DNAJB14: variants seen among roughly 807,000 people sequenced by gnomAD.
DNAJB14 encodes the protein dnaJ homolog subfamily B member 14.
A neutral mutation model predicts 48.4 loss-of-function variants in DNAJB14; 22 were observed. The ratio of observed to expected loss-of-function variants is 0.45; its 90% CI spans 0.32 to 0.65. The LOEUF (loss-of-function observed/expected upper bound fraction) is 0.65. DNAJB14 is among the 30% of genes least tolerant of loss of function. The probability of loss-of-function intolerance (pLI) is 0.03; values close to 1 mark genes in which losing one functional copy is unlikely to be tolerated. For missense variants in DNAJB14, 319 were observed against 458.8 expected (o/e 0.70, Z 2.78); for synonymous variants, 142 against 158.7 (o/e 0.89, Z 0.79).
At chr4:99,923,917 A>G (rs952823293) in intron 2 of DNAJB14, 2 of 977,468 alleles carry the variant, frequency 2.0e-6, no homozygotes, top group African/African-American at 1.8e-5. Context: ...ATAACACGTG[A>G]CTCAAAAAAT....
chr4:99,944,576 T>G (rs1726997528), intron 1 of DNAJB14, among the ~76,000 whole-genome samples: 1 of 151,696 alleles, frequency 6.6e-6, no homozygotes, highest in South Asian at 2.1e-4. Flanking sequence ...TTTGGTCTTT[T>G]TTTTTTTGTT....
At chr4:99,940,219 CAAAT>C (rs149865883) in intron 1 of DNAJB14, among the ~76,000 whole-genome samples, 4,167 of 152,218 alleles carry the variant, frequency 0.027, 82 homozygotes, top group African/African-American at 0.055. Flanking sequence ...ATTTGAAAAA[CAAAT>C]AGATTTTTTC....
intron 3 of DNAJB14, among the ~76,000 whole-genome samples, chr4:99,916,985 A>T (rs560152575): frequency 2.0e-5 from 3 of 152,074 alleles, no homozygotes; most frequent in African/African-American, 4.8e-5. Context: ...ATACAAAAAA[A>T]TTAGCTGGGT....
At chr4:99,911,801 T>C (rs1160143698) in intron 3 of DNAJB14, among the ~76,000 whole-genome samples, 1 of 152,176 alleles carries the variant, frequency 6.6e-6, no homozygotes, top group Non-Finnish European at 1.5e-5. Context: ...TACCTGTCCT[T>C]TGTCAAATAC....
intron 2 of DNAJB14, among the ~76,000 whole-genome samples, chr4:99,924,129 A>C (rs1462557445): frequency 2.0e-5 from 3 of 152,112 alleles, no homozygotes; most frequent in African/African-American, 7.2e-5. Context: ...ACTTTCACAA[A>C]AGCCACAGTA....
At chr4:99,903,937 A>T in intron 6 of DNAJB14, 39 bp from the exon 7 acceptor site, 2 of 1,575,696 alleles carry the variant, frequency 1.3e-6, no homozygotes, top group Non-Finnish European at 1.7e-6. Context: ...TTAAAATTGG[A>T]CATTCCAATA....
intron 1 of DNAJB14, among the ~76,000 whole-genome samples, chr4:99,936,825 AT>A (rs1384486767): frequency 1.3e-5 from 2 of 152,234 alleles, no homozygotes; most frequent in Non-Finnish European, 1.5e-5. Flanking sequence ...GTAACAGATA[AT>A]TGAGGCTGAA....
chr4:99,906,567 G>A lies in DNAJB14; in HGVS notation c.682C>T (p.Gln228Ter). 6.2e-7 allele frequency: 1 copy of A among 1,611,426 alleles called. No homozygotes were observed. Among genetic ancestry groups the A allele is most frequent in the Non-Finnish European group, 8.5e-7 (1 of 1,179,558 alleles). ...TGTCCACTATGTCGATGCTGATGTT[G>A]TTGGCTATAACCAGCTCTTCCATTT... The part of the protein sequence containing the change: ...FSNGRAGYSQ[Q>*]HQHRHSGHER... The change falls in exon 5 of 8, where the codon CAA (glutamine) becomes TAA (stop). Residue 228 changes from glutamine to a stop codon, truncating the protein, a stop_gained. Coordinates refer to ENST00000442697, the MANE Select transcript of DNAJB14 (RefSeq NM_001031723.4). LOFTEE classifies it high-confidence loss of function.
rs540709109 is a variant in DNAJB14, at chr4:99,922,945, T to C, written c.451+95A>G. On this transcript the variant is annotated intron_variant, in intron 3 of 7. Coordinates refer to ENST00000442697, the MANE Select transcript of DNAJB14 (RefSeq NM_001031723.4). The stretch of plus-strand genomic sequence containing the variant: ...ACTCTTGCTTGTGCTGGTCTCTAAA[T>C]GCACCAGTCCAAAAGCAGAACTTAA... The C allele has an allele frequency of 4.5e-4, 600 of 1,326,520 alleles. 1 individual carries two copies. The highest frequency in any genetic ancestry group is 3.8e-3 in the African/African-American group (256 of 67,040). The allele number at this position is 1,326,520 out of a possible 1,614,324, so 82.2% of individuals were successfully genotyped here. A position where few individuals can be genotyped will look rare whatever the true frequency, so the allele number is the denominator to read the frequency against.
chr4:99,904,585 A>G (rs1725403519), intron 6 of DNAJB14, among the ~76,000 whole-genome samples: 1 of 152,170 alleles, frequency 6.6e-6, no homozygotes, highest in Non-Finnish European at 1.5e-5. Flanking sequence ...ACAAAATCTG[A>G]AAAAATCCAA....
intron 3 of DNAJB14, among the ~76,000 whole-genome samples, chr4:99,909,774 A>G (rs1365489520): frequency 6.6e-6 from 1 of 152,052 alleles, no homozygotes; most frequent in Non-Finnish European, 1.5e-5. Flanking sequence ...TTTATATTAT[A>G]AAAGTCTGCC....
At chr4:99,939,472 C>T (rs1334082189) in intron 1 of DNAJB14, among the ~76,000 whole-genome samples, 2 of 152,222 alleles carry the variant, frequency 1.3e-5, no homozygotes, top group Non-Finnish European at 2.9e-5. Context: ...TCATTTTTAG[C>T]ACAAACATGT....
chr4:99,906,627 C>T lies in DNAJB14; in HGVS notation c.638-16G>A. The T allele has an allele frequency of 6.3e-7, 1 of 1,597,284 alleles. No homozygotes were observed. Among genetic ancestry groups the T allele is most frequent in the Non-Finnish European group, 8.6e-7 (1 of 1,168,338 alleles). ...TGTACACTACCTAAAAAATTAAAAG[C>T]AAGGTTAAATTAGGGAGAGCAATTA... On this transcript the variant is annotated splice_polypyrimidine_tract_variant and intron_variant, in intron 4 of 7. Coordinates refer to ENST00000442697, the MANE Select transcript of DNAJB14 (RefSeq NM_001031723.4).
At chr4:99,933,014 C>T (rs1011258531) in intron 1 of DNAJB14, among the ~76,000 whole-genome samples, 3 of 152,094 alleles carry the variant, frequency 2.0e-5, no homozygotes, top group African/African-American at 7.2e-5. Context: ...TGAGGAGTGA[C>T]TGCTAAAGAG....
At chr4:99,934,860 C>T (rs1422255361) in intron 1 of DNAJB14, among the ~76,000 whole-genome samples, 1 of 85,964 alleles carries the variant, frequency 1.2e-5, no homozygotes, top group Non-Finnish European at 2.5e-5. Flanking sequence ...TGTGATAAAA[C>T]TCAATAAAAA....
chr4:99,898,581 G>A lies in DNAJB14; in HGVS notation c.*2447C>T, dbSNP rs576956821. 3 of 151,856 alleles carry A rather than the reference G, an allele frequency of 2.0e-5. No individual in the cohort carries two copies. The highest frequency in any genetic ancestry group is 7.2e-5 in the African/African-American group (3 of 41,382). The allele number at this position is 151,856 out of a possible 1,614,324, so 9.4% of individuals were successfully genotyped here. The stretch of plus-strand genomic sequence containing the variant: ...ATAATGTTTGTGTGTATATGCATGG[G>A]TGTATTTGTGTTTACACAAAAAGGG... On this transcript the variant is annotated 3_prime_UTR_variant, in exon 8 of 8. Transcript: ENST00000442697.
chr4:99,913,082 T>C (rs1226733716), intron 3 of DNAJB14, among the ~76,000 whole-genome samples: 1 of 152,234 alleles, frequency 6.6e-6, no homozygotes, highest in Non-Finnish European at 1.5e-5. Flanking sequence ...CAGTTTTTTC[T>C]GTAGATTCCT....
intron 3 of DNAJB14, among the ~76,000 whole-genome samples, chr4:99,914,395 C>CA (rs1409672363): frequency 1.3e-5 from 2 of 151,934 alleles, no homozygotes; most frequent in East Asian, 1.9e-4. Flanking sequence ...ATCGCAAGGA[C>CA]AAAAAACCAA....
intron 1 of DNAJB14, among the ~76,000 whole-genome samples, chr4:99,938,102 A>C (rs1726750078): frequency 1.4e-5 from 1 of 68,982 alleles, no homozygotes; most frequent in East Asian, 4.5e-4. Flanking sequence ...AAATACAAAA[A>C]AAAAAAAAAA....
Sources: allele counts gnomAD v4.1 joint callset (sites outside exome capture counted in the v4.1 genomes callset), GRCh38; gene constraint gnomAD v4.1.1; transcripts MANE v1.5; gene names NCBI Gene and HGNC (gene_info 2026-07-23, HGNC 2026-07-21).